NAV1: variants seen among roughly 807,000 people sequenced by gnomAD.
The protein encoded by NAV1 is neuron navigator 1.
In NAV1, 18 loss-of-function variants were observed where a neutral mutation model predicts 175.2. The observed-to-expected ratio is 0.10, with a 90% CI of 0.07 to 0.15. The LOEUF is 0.15. NAV1 is among the 10% of genes least tolerant of loss of function. The probability of loss-of-function intolerance (pLI) is 1.00; values close to 1 mark genes in which losing one functional copy is unlikely to be tolerated. For missense variants in NAV1, 1,731 were observed against 2,436.6 expected, an observed-to-expected ratio of 0.71 and a Z score of 6.10; for synonymous variants, 897 against 978.7, an observed-to-expected ratio of 0.92 and a Z score of 1.56.
At chr1:201,566,832 A>G (rs1666367448) in intron 1 of NAV1, among the ~76,000 whole-genome samples, 1 of 151,966 alleles carries the variant, frequency 6.6e-6, no homozygotes, top group Non-Finnish European at 1.5e-5. Context: ...TGTCTACCTG[A>G]GATCATACTC....
intron 3 of NAV1, among the ~76,000 whole-genome samples, chr1:201,732,758 A>G (rs1672917921): frequency 6.6e-6 from 1 of 152,156 alleles, no homozygotes; most frequent in Non-Finnish European, 1.5e-5. Context: ...AAAAATAGGC[A>G]TTGCTCTTAA....
chr1:201,812,032 G>A lies in NAV1; in HGVS notation c.5024+58G>A, dbSNP rs972078059. 49 of 1,525,268 alleles carry A rather than the reference G, an allele frequency of 3.2e-5. No homozygotes were observed. The African/African-American group carries it at 5.9e-4, about 18-fold the overall frequency. The allele number at this position is 1,525,268 out of a possible 1,614,324, so 94.5% of individuals were successfully genotyped here. On this transcript the variant is annotated intron_variant, in intron 26 of 29. Transcript: ENST00000367296. The surrounding 1 kb of genome is among the most constrained non-coding windows in gnomAD (Gnocchi z 4.6). ...CCCTACCCAAGAGTCTTCAATCCTGGACTCTGGCCAGGAGGCAGTAGATAG... is the reference window on the plus strand; with the variant it reads ...CCCTACCCAAGAGTCTTCAATCCTGAACTCTGGCCAGGAGGCAGTAGATAG...
At chr1:201,761,156 A>G (rs1370608291) in intron 3 of NAV1, among the ~76,000 whole-genome samples, 1 of 152,226 alleles carries the variant, frequency 6.6e-6, no homozygotes, top group Non-Finnish European at 1.5e-5. Flanking sequence ...CAGCTTTTGT[A>G]GAAACACTAA....
At chr1:201,599,596 C>G (rs1667461756) in intron 2 of NAV1, among the ~76,000 whole-genome samples, 1 of 152,136 alleles carries the variant, frequency 6.6e-6, no homozygotes, top group Admixed American at 6.5e-5. Context: ...GACTTAGGGC[C>G]CACTTCGATG....
chr1:201,549,124 TTTCTTTCTTTCTTTCTTTC>T (rs1273436939), intron 1 of NAV1, among the ~76,000 whole-genome samples: 137 of 149,736 alleles, frequency 9.1e-4, no homozygotes, highest in Admixed American at 3.0e-3. Context: ...TCTTTCTTTC[TTTCTTTCTTTCTTTCTTTC>T]TTCTTTCTCT....
At chr1:201,622,787 TAC>T, upstream of NAV1, 3 of 977,732 alleles carry the variant, frequency 3.1e-6, no homozygotes, top group Non-Finnish European at 3.6e-6. Context: ...ATCCTCTTTC[TAC>T]ACTCAAGGAT....
At chr1:201,555,366 C>T (rs1180967775) in intron 1 of NAV1, among the ~76,000 whole-genome samples, 2 of 152,166 alleles carry the variant, frequency 1.3e-5, no homozygotes, top group Non-Finnish European at 2.9e-5. Flanking sequence ...ATCTCTTCTC[C>T]TCTCTGGATC....
At chr1:201,579,864 G>A (rs1666798532) in intron 1 of NAV1, among the ~76,000 whole-genome samples, 2 of 152,188 alleles carry the variant, frequency 1.3e-5, no homozygotes, top group Non-Finnish European at 2.9e-5. Context: ...TGATTTTGGA[G>A]GCTGAGAAGT....
intron 1 of NAV1, among the ~76,000 whole-genome samples, chr1:201,568,560 C>T (rs1013371296): frequency 5.3e-5 from 8 of 152,100 alleles, no homozygotes; most frequent in African/African-American, 1.9e-4. Flanking sequence ...GCCTAGTGCC[C>T]CCAGGCAGAC....
At chr1:201,624,429 C>T (rs952339311) in intron 1 of NAV1, among the ~76,000 whole-genome samples, 10 of 150,234 alleles carry the variant, frequency 6.7e-5, no homozygotes, top group Non-Finnish European at 8.9e-5. Context: ...CTGCAACCTC[C>T]GCCTCCCAGG....
chr1:201,808,697 C>T lies in NAV1; in HGVS notation c.4039-6C>T, dbSNP rs1678481415. The T allele has an allele frequency of 6.2e-7, 1 of 1,614,106 alleles. No homozygotes were observed. The highest frequency in any genetic ancestry group is 1.3e-5 in the African/African-American group (1 of 74,938). On this transcript the variant is annotated splice_polypyrimidine_tract_variant and splice_region_variant and intron_variant, in intron 19 of 29. Transcript: ENST00000367296. The surrounding 1 kb of genome is among the most constrained non-coding windows in gnomAD (Gnocchi z 5.5). ...TGCCACCCTACCCTGTCTGTTCTTGCCACAGTTGGAGGTGGACCTGCTGAA... is the reference window on the plus strand; with the variant it reads ...TGCCACCCTACCCTGTCTGTTCTTGTCACAGTTGGAGGTGGACCTGCTGAA...
chr1:201,756,064 G>A (rs930463587), intron 3 of NAV1, among the ~76,000 whole-genome samples: 2 of 145,132 alleles, frequency 1.4e-5, no homozygotes, highest in African/African-American at 5.2e-5. Flanking sequence ...CTGAGGTTGC[G>A]CCATTGCACT....
chr1:201,744,280 A>G (rs1673620753), intron 3 of NAV1, among the ~76,000 whole-genome samples: 1 of 152,190 alleles, frequency 6.6e-6, no homozygotes. Context: ...GAAACAGACA[A>G]AACCCTAAGG....
rs377197202 is a variant in NAV1, at chr1:201,632,516, C to T, written c.4+3009C>T. ...GACCACCATCAGATCTTAATTTGGACAGCCAAGAGAAGCCAAGGCTGACGT... is the reference window on the plus strand; with the variant it reads ...GACCACCATCAGATCTTAATTTGGATAGCCAAGAGAAGCCAAGGCTGACGT... On this transcript the variant is annotated intron_variant, in intron 2 of 29. Transcript: ENST00000367302. 3.9e-5 allele frequency among the ~76,000 whole-genome samples: 6 copies of T among 152,372 alleles called. No individual in the cohort carries two copies. In the East Asian group the frequency reaches 1.2e-3, roughly 29 times the overall value.
intron 1 of NAV1, among the ~76,000 whole-genome samples, chr1:201,689,725 A>G (rs901928006): frequency 1.3e-5 from 2 of 152,080 alleles, no homozygotes; most frequent in African/African-American, 4.8e-5. Flanking sequence ...TCCCCTAATA[A>G]AGCACCTTTT....
chr1:201,729,604 T>A (rs891839049), intron 3 of NAV1, among the ~76,000 whole-genome samples: 2 of 139,738 alleles, frequency 1.4e-5, no homozygotes, highest in African/African-American at 5.5e-5. Flanking sequence ...TCGGACTCCA[T>A]CTTAAAAAAT....
chr1:201,719,387 T>A (rs9662744), intron 3 of NAV1: 41,517 of 153,104 alleles, frequency 0.27, 5,966 homozygotes, highest in Non-Finnish European at 0.32. Flanking sequence ...TGCAACTTCC[T>A]AATCCCTACC....
chr1:201,643,557 A>G (rs897565546), upstream of NAV1, among the ~76,000 whole-genome samples: 7 of 151,836 alleles, frequency 4.6e-5, no homozygotes, highest in Non-Finnish European at 8.8e-5. Flanking sequence ...AATTACAGAC[A>G]TGTGCCACTA....
intron 3 of NAV1, among the ~76,000 whole-genome samples, chr1:201,777,881 G>A (rs1027921741): frequency 4.6e-5 from 7 of 152,140 alleles, no homozygotes; most frequent in Non-Finnish European, 1.0e-4. Context: ...GCTGCAATGA[G>A]CTGAGATTAT....
Sources: allele counts gnomAD v4.1 joint callset (sites outside exome capture counted in the v4.1 genomes callset), GRCh38; gene constraint gnomAD v4.1.1; non-coding constraint Gnocchi (gnomAD v3.1); transcripts MANE v1.5; gene names NCBI Gene and HGNC (gene_info 2026-07-23, HGNC 2026-07-21).